Variants in PRKN observed in about 807,000 individuals in gnomAD.
The protein encoded by PRKN is E3 ubiquitin-protein ligase parkin.
Under a neutral mutation model 59.5 loss-of-function variants are expected in PRKN, and 56 were observed. The observed-to-expected ratio is 0.94, with a 90% CI of 0.76 to 1.18. The LOEUF (loss-of-function observed/expected upper bound fraction) is 1.18, where lower values mean the gene tolerates loss of function less well. PRKN is among the 50% of genes most tolerant of loss of function. The probability of loss-of-function intolerance (pLI) is 0.00; values close to 1 mark genes in which losing one functional copy is unlikely to be tolerated. For synonymous variants in PRKN, 250 were observed against 222.1 expected (o/e 1.13, Z -1.12); for missense variants, 657 against 596.4 (o/e 1.10, Z -1.06).
intron 7 of PRKN, among the ~76,000 whole-genome samples, chr6:161,776,556 C>T (rs780659053): frequency 2.0e-5 from 3 of 152,186 alleles, no homozygotes; most frequent in Non-Finnish European, 4.4e-5. Flanking sequence ...TGCCTTCTTG[C>T]TTACAGACTG....
At chr6:161,618,597 C>A (rs1015051394) in intron 7 of PRKN, among the ~76,000 whole-genome samples, 1 of 152,120 alleles carries the variant, frequency 6.6e-6, no homozygotes, top group Non-Finnish European at 1.5e-5. Context: ...GCATAAAATT[C>A]AAATTCTATT....
At chr6:162,005,388 A>G (rs557279538) in intron 5 of PRKN, among the ~76,000 whole-genome samples, 2 of 152,334 alleles carry the variant, frequency 1.3e-5, no homozygotes, top group African/African-American at 4.8e-5. Flanking sequence ...GCTACATGGT[A>G]AGACATTTTA....
At chr6:162,563,988 A>G in intron 1 of PRKN, among the ~76,000 whole-genome samples, 1 of 152,048 alleles carries the variant, frequency 6.6e-6, no homozygotes, top group South Asian at 2.1e-4. Context: ...GGAGACAAAA[A>G]AAAAAACCAC....
At chr6:162,556,360 T>TGTGTGTGTGTGTGTGTGTGTGC (rs1779582355) in intron 1 of PRKN, among the ~76,000 whole-genome samples, 3 of 82,692 alleles carry the variant, frequency 3.6e-5, no homozygotes, top group African/African-American at 1.2e-4. Flanking sequence ...TGTGTGTGTG[T>TGTGTGTGTGTGTGTGTGTGTGC]GTGTGTGTGT....
chr6:162,144,069 C>T lies in PRKN; in HGVS notation c.534+57062G>A, dbSNP rs117723814. 8.7e-4 allele frequency among the ~76,000 whole-genome samples: 133 copies of T among 152,242 alleles called. 1 individual carries two copies. The East Asian group carries it at 0.018, about 21-fold the overall frequency. On this transcript the variant is annotated intron_variant, in intron 4 of 11. Coordinates refer to ENST00000366898, the MANE Select transcript of PRKN (RefSeq NM_004562.3). ...GTAATATGCTTAAAAGTGGTTGACA[C>T]TTAAGAAGGCAAAGAAAGGGGCTGG... is the stretch of plus-strand genomic sequence containing the variant.
chr6:162,150,182 A>G (rs1208184135), intron 4 of PRKN, among the ~76,000 whole-genome samples: 1 of 152,258 alleles, frequency 6.6e-6, no homozygotes, highest in African/African-American at 2.4e-5. Context: ...ATACAGAAAC[A>G]GATGGATATT....
intron 6 of PRKN, among the ~76,000 whole-genome samples, chr6:161,876,375 A>G (rs1229167668): frequency 6.6e-6 from 1 of 152,136 alleles, no homozygotes; most frequent in Non-Finnish European, 1.5e-5. Flanking sequence ...ACAGTGGCAC[A>G]ATGACAGCTC....
At chr6:162,212,713 T>C (rs1202774906) in intron 3 of PRKN, among the ~76,000 whole-genome samples, 1 of 152,176 alleles carries the variant, frequency 6.6e-6, no homozygotes, top group African/African-American at 2.4e-5. Context: ...TGTGCAAACA[T>C]CAGAGTGTAC....
At chr6:162,542,976 C>A (rs902512124) in intron 1 of PRKN, among the ~76,000 whole-genome samples, 1 of 152,080 alleles carries the variant, frequency 6.6e-6, no homozygotes, top group African/African-American at 2.4e-5. Flanking sequence ...ATGGTCGACT[C>A]CCCCCAGGAC....
intron 7 of PRKN, among the ~76,000 whole-genome samples, chr6:161,741,439 G>A (rs1402040844): frequency 1.3e-5 from 2 of 152,172 alleles, no homozygotes; most frequent in African/African-American, 4.8e-5. Flanking sequence ...GCCTTGTACC[G>A]GACGGGGAAT....
rs1475478793 is a variant in PRKN at position 161,858,461 on chromosome 6, C to T, written c.735-72553G>A. Among the ~76,000 whole-genome samples, 10 of 152,174 alleles carry T rather than the reference C, an allele frequency of 6.6e-5. No homozygotes were observed. The South Asian group carries it at 1.9e-3, about 28-fold the overall frequency. On this transcript the variant is annotated intron_variant, in intron 6 of 11. Transcript: ENST00000366898. Reference sequence around the variant, plus strand: ...TTCGGTAACATGTCATCACATTGCACGAAAACTGGACCTGCCACTAGGCTT... The same window carrying T: ...TTCGGTAACATGTCATCACATTGCATGAAAACTGGACCTGCCACTAGGCTT...
At chr6:162,096,751 C>G (rs1037914140) in intron 4 of PRKN, among the ~76,000 whole-genome samples, 1 of 148,356 alleles carries the variant, frequency 6.7e-6, no homozygotes, top group Non-Finnish European at 1.5e-5. Flanking sequence ...CCCAGCCATG[C>G]AGAACTATGA....
intron 2 of PRKN, among the ~76,000 whole-genome samples, chr6:162,389,007 G>GA (rs71278564): frequency 0.091 from 9,443 of 104,076 alleles, 541 homozygotes; most frequent in African/African-American, 0.14. Context: ...AGTTCCTCCA[G>GA]AAAAAAAAAA....
At chr6:162,724,226 C>A (rs1330083341) in intron 1 of PRKN, among the ~76,000 whole-genome samples, 1 of 152,204 alleles carries the variant, frequency 6.6e-6, no homozygotes, top group Non-Finnish European at 1.5e-5. Flanking sequence ...TTAAGCTTTT[C>A]TATTCTGCTT....
chr6:161,651,176 T>C (rs1231775354), intron 7 of PRKN, among the ~76,000 whole-genome samples: 2 of 152,242 alleles, frequency 1.3e-5, no homozygotes, highest in Non-Finnish European at 2.9e-5. Context: ...TCACTGCAAG[T>C]AGATACTTAA....
At chr6:162,383,689 C>A (rs903313060) in intron 2 of PRKN, among the ~76,000 whole-genome samples, 1 of 152,168 alleles carries the variant, frequency 6.6e-6, no homozygotes, top group South Asian at 2.1e-4. Context: ...TTCTTGGAAG[C>A]TTTGAAGCCA....
intron 9 of PRKN, among the ~76,000 whole-genome samples, chr6:161,532,040 C>T (rs1235709912): frequency 6.6e-6 from 1 of 151,974 alleles, no homozygotes; most frequent in Non-Finnish European, 1.5e-5. Flanking sequence ...CTTCACCATC[C>T]TACTCTTCCC....
At chr6:162,010,348 T>C (rs1231636129) in intron 5 of PRKN, among the ~76,000 whole-genome samples, 2 of 120,710 alleles carry the variant, frequency 1.7e-5, no homozygotes, top group East Asian at 2.4e-4. Context: ...ATAAATAATA[T>C]ACATTTATTA....
chr6:161,630,640 T>G (rs1783267699), intron 7 of PRKN, among the ~76,000 whole-genome samples: 1 of 152,176 alleles, frequency 6.6e-6, no homozygotes, highest in African/African-American at 2.4e-5. Context: ...ATTCATCATC[T>G]TTAAGTTATG....
Sources: gnomAD v4.1 joint callset for allele counts (sites outside exome capture counted in the v4.1 genomes callset) on GRCh38, gnomAD v4.1.1 for gene constraint, MANE v1.5 for transcripts, NCBI Gene and HGNC (gene_info 2026-07-23, HGNC 2026-07-21) for gene names.